Variants in TRIM66 observed in about 807,000 individuals in gnomAD.
TRIM66 encodes the protein tripartite motif-containing protein 66.
TRIM66 carries 99 observed loss-of-function variants against 148.2 expected under a neutral mutation model. The observed-to-expected ratio is 0.67, with a 90% CI of 0.57 to 0.79. The LOEUF (loss-of-function observed/expected upper bound fraction) is 0.79, where lower values mean the gene tolerates loss of function less well. Ranked by LOEUF, TRIM66 falls within the 30% of genes least tolerant of loss-of-function variation. TRIM66 has a pLI of 0.00. For missense variants in TRIM66, 1,666 were observed against 1,697.9 expected (o/e 0.98, Z 0.33); for synonymous variants, 616 against 635.9 (o/e 0.97, Z 0.47).
At chr11:8,644,416 C>G in intron 12 of TRIM66, 1 of 454,530 alleles carries the variant, frequency 2.2e-6, no homozygotes. Context: ...TTTTAACCCT[C>G]TTATTATCAC....
chr11:8,626,484 G>T (rs987567185), intron 15 of TRIM66, among the ~76,000 whole-genome samples: 4 of 152,154 alleles, frequency 2.6e-5, no homozygotes, highest in African/African-American at 9.7e-5. Flanking sequence ...CTGCAAGTCA[G>T]ATCCTAGGAA....
chr11:8,653,843 T>C (rs536181791), intron 6 of TRIM66, among the ~76,000 whole-genome samples: 8 of 150,896 alleles, frequency 5.3e-5, no homozygotes, highest in South Asian at 2.1e-4. Flanking sequence ...TGCAGAGCCA[T>C]GGGTGTTAAT....
upstream of TRIM66, chr11:8,682,876 C>G (rs912853214): frequency 2.6e-6 from 4 of 1,563,554 alleles, no homozygotes; most frequent in African/African-American, 4.1e-5. Flanking sequence ...AGCTGTATTC[C>G]CATTGCCCCT....
At chr11:8,666,572 T>A (rs936790477) in intron 6 of TRIM66, among the ~76,000 whole-genome samples, 2 of 152,066 alleles carry the variant, frequency 1.3e-5, no homozygotes, top group African/African-American at 4.8e-5. Context: ...GTATATGTCC[T>A]CATTTCATCT....
intron 15 of TRIM66, among the ~76,000 whole-genome samples, chr11:8,634,398 A>G (rs1353500015): frequency 6.6e-6 from 1 of 152,156 alleles, no homozygotes; most frequent in Non-Finnish European, 1.5e-5. Flanking sequence ...CGAGCTGTTG[A>G]GCTCAAACAA....
chr11:8,671,979 T>C lies in TRIM66; in HGVS notation c.147A>G (p.Leu49=). Residue 49 remains leucine (L), a synonymous_variant, in exon 6 of 25, where the codon CTA becomes CTG. Transcript: ENST00000646038. ...TCTTAGGGCAGTGTTTCTGGCCAGC[T>C]AGTGGCAGCCCCATAAAGCTCATGC... is the stretch of plus-strand genomic sequence containing the variant. ...DMGMSFMGLP[L]AGQKHCPKSG... The C allele has an allele frequency of 6.5e-7, 1 of 1,536,120 alleles. No homozygotes were observed. The highest frequency in any genetic ancestry group is 1.4e-5 in the African/African-American group (1 of 73,182).
intron 18 of TRIM66, 81 bp downstream of exon 18, chr11:8,622,735 A>T: frequency 7.6e-7 from 1 of 1,320,790 alleles, no homozygotes; most frequent in Non-Finnish European, 1.1e-6. Context: ...TAGTTAATTC[A>T]TCAAGGATGC....
chr11:8,658,721 A>G (rs1367866383), intron 6 of TRIM66: 1 of 971,716 alleles, frequency 1.0e-6, no homozygotes, highest in East Asian at 1.1e-4. Flanking sequence ...CGCAGATGCC[A>G]GGCACACACT....
At chr11:8,618,147 A>G in intron 24 of TRIM66, 144 bp from the exon 25 acceptor site, 1 of 842,244 alleles carries the variant, frequency 1.2e-6, no homozygotes, top group Non-Finnish European at 1.9e-6. Context: ...TACTGAAGCC[A>G]CTAAACATTG....
chr11:8,666,145 T>C (rs1042444078), intron 6 of TRIM66, among the ~76,000 whole-genome samples: 2 of 151,130 alleles, frequency 1.3e-5, no homozygotes, highest in African/African-American at 4.9e-5. Flanking sequence ...GAGACCAGCC[T>C]GGCCAATATG....
At chr11:8,655,495 C>A (rs2037745228) in intron 6 of TRIM66, among the ~76,000 whole-genome samples, 3 of 151,250 alleles carry the variant, frequency 2.0e-5, no homozygotes, top group Admixed American at 1.3e-4. Flanking sequence ...GTTTTTTTTT[C>A]CTGGAGGCCA....
At chr11:8,620,356 C>T in intron 21 of TRIM66, 90 bp downstream of exon 21, 2 of 1,507,810 alleles carry the variant, frequency 1.3e-6, no homozygotes, top group South Asian at 2.6e-5. Flanking sequence ...TCCAGAAAAG[C>T]CCCTCATCCC....
In TRIM66 at chr11:8,667,465, A is replaced by G. The variant is rs138683200; in HGVS notation, c.340+4321T>C. Among the ~76,000 whole-genome samples, 1,296 of 152,346 alleles carry G rather than the reference A, an allele frequency of 8.5e-3. 19 individuals carry two copies. Among genetic ancestry groups the G allele is most frequent in the African/African-American group, 0.029 (1,219 of 41,568 alleles). ...TTGCAAATCATATATCTAATAAGAG[A>G]TTGGTATCCAGAATGTGTAAGGAAC... On this transcript the variant is annotated intron_variant, in intron 6 of 24. Coordinates refer to ENST00000646038, the MANE Select transcript of TRIM66 (RefSeq NM_001388022.1).
Position 8,624,764 on chromosome 11 carries a change from G to C in TRIM66, c.2775C>G (p.Ser925Arg). 6.5e-7 allele frequency: 1 copy of C among 1,548,172 alleles called. No homozygotes were observed. The change falls in exon 16 of 25, where the codon AGC (serine) becomes AGG (arginine). Residue 925 changes from serine (S) to arginine (R), a missense_variant. Physicochemically the swap from Ser to Arg is moderately radical, Grantham distance 110. Transcript: ENST00000646038. Reference protein sequence around the residue: ...SSSSSGRTSGSLCPRDGADPS... With the variant: ...SSSSSGRTSGRLCPRDGADPS... ...GATCAGCCCCATCTCTGGGACACAG[G>C]CTCCCTGAAGTTCGGCCAGAACTGG...
intron 7 of TRIM66, among the ~76,000 whole-genome samples, chr11:8,650,679 G>A (rs556189085): frequency 1.3e-5 from 2 of 152,326 alleles, no homozygotes; most frequent in Admixed American, 1.3e-4. Context: ...TGCAACACAT[G>A]CTAAGGAAGC....
At chr11:8,638,533 G>T in intron 15 of TRIM66, 121 bp downstream of exon 15, 1 of 1,108,428 alleles carries the variant, frequency 9.0e-7, no homozygotes, top group Non-Finnish European at 1.3e-6. Context: ...TCAGGGCTGT[G>T]TAGCGTCCAG....
rs2038911740 is a variant in TRIM66 at position 8,671,217 on chromosome 11, GATATTCACTGT to G, written c.340+558_340+568del. 2.0e-5 allele frequency among the ~76,000 whole-genome samples: 3 copies of G among 152,302 alleles called. No homozygotes were observed. The South Asian group carries it at 6.2e-4, about 32-fold the overall frequency. On this transcript the variant is annotated intron_variant, in intron 6 of 24. Transcript: ENST00000646038. ...TCTCACTGCATAATTTCATTCAATGGATATTCACTGTACCTCTGTGACATGTCCTGTGCTAG... is the reference window on the plus strand; with the variant it reads ...TCTCACTGCATAATTTCATTCAATGGACCTCTGTGACATGTCCTGTGCTAG...
intron 6 of TRIM66, among the ~76,000 whole-genome samples, chr11:8,668,552 T>C (rs777839474): frequency 1.3e-5 from 2 of 152,228 alleles, no homozygotes; most frequent in Admixed American, 6.5e-5. Flanking sequence ...AGCATGGAGA[T>C]TGGATTCCAA....
Position 8,618,908 on chromosome 11 carries a change from T to C in TRIM66, c.3961A>G (p.Lys1321Glu), listed in dbSNP as rs1441361331. Residue 1321 changes from lysine (K) to glutamate (E), a missense_variant, in exon 24 of 25, where the codon AAG (lysine) becomes GAG (glutamate). By Grantham distance (56) the Lys-to-Glu change is moderately conservative. Transcript: ENST00000646038. ...AACCGTTTCTCCGGGTAGATCTCCTTCAACCAGCCCTCAAAGAACACTTCC... is the reference window on the plus strand; with the variant it reads ...AACCGTTTCTCCGGGTAGATCTCCTCCAACCAGCCCTCAAAGAACACTTCC... ...CLEVFFEGWL[K>E]EIYPEKRFAQ... 1.3e-6 allele frequency: 2 copies of C among 1,551,256 alleles called. No homozygotes were observed. The highest frequency in any genetic ancestry group is 2.4e-5 in the South Asian group (2 of 84,038).
Sources: gnomAD v4.1 joint callset for allele counts (sites outside exome capture counted in the v4.1 genomes callset) on GRCh38, gnomAD v4.1.1 for gene constraint, MANE v1.5 for transcripts, NCBI Gene and HGNC (gene_info 2026-07-23, HGNC 2026-07-21) for gene names.